The following COL21A1 variants were observed in gnomAD, a reference collection of about 807,000 sequenced individuals.
COL21A1 encodes collagen alpha-1(XXI) chain.
COL21A1 carries 149 observed loss-of-function variants against 137.9 expected under a neutral mutation model. That is an observed-to-expected ratio of 1.08 (90% CI 0.95 to 1.24). The LOEUF is 1.24. Ranked by LOEUF, COL21A1 falls within the 50% of genes most tolerant of loss-of-function variation. The probability of loss-of-function intolerance (pLI) is 0.00; values close to 1 mark genes in which losing one functional copy is unlikely to be tolerated. For missense variants in COL21A1, 1,167 were observed against 1,158.4 expected (o/e 1.01, Z -0.11); for synonymous variants, 456 against 391.5 (o/e 1.16, Z -1.95).
chr6:56,230,799 G>T (rs1261880775), intron 1 of COL21A1, among the ~76,000 whole-genome samples: 1 of 151,692 alleles, frequency 6.6e-6, no homozygotes, highest in African/African-American at 2.4e-5. Flanking sequence ...ACATGTTTAT[G>T]GGAAACATGT....
intron 1 of COL21A1, among the ~76,000 whole-genome samples, chr6:56,334,909 T>C (rs1765303986): frequency 6.6e-6 from 1 of 152,166 alleles, no homozygotes; most frequent in Admixed American, 6.5e-5. Context: ...CCATCAAATA[T>C]AGCAGCACAA....
chr6:56,358,118 CT>C (rs892629527), intron 1 of COL21A1, among the ~76,000 whole-genome samples: 4 of 152,166 alleles, frequency 2.6e-5, no homozygotes, highest in East Asian at 1.9e-4. Flanking sequence ...TTCAGTTGCA[CT>C]TTTTTTCTAA....
chr6:56,102,203 C>A (rs1770520981), intron 16 of COL21A1, among the ~76,000 whole-genome samples: 1 of 152,052 alleles, frequency 6.6e-6, no homozygotes, highest in Non-Finnish European at 1.5e-5. Flanking sequence ...ACTTCTTCTA[C>A]TAAAACAATA....
At chr6:56,248,297 G>A (rs1416787257), upstream of COL21A1, among the ~76,000 whole-genome samples, 2 of 152,122 alleles carry the variant, frequency 1.3e-5, no homozygotes, top group South Asian at 2.1e-4. Flanking sequence ...ATACACACCA[G>A]TGTGTTCTCA....
At chr6:56,306,460 T>G (rs1311797686) in intron 1 of COL21A1, among the ~76,000 whole-genome samples, 1 of 152,198 alleles carries the variant, frequency 6.6e-6, no homozygotes, top group East Asian at 1.9e-4. Flanking sequence ...AAACTTCTCT[T>G]CTTGCTTCAT....
intron 1 of COL21A1, among the ~76,000 whole-genome samples, chr6:56,259,998 T>C (rs2152330408): frequency 6.6e-6 from 1 of 152,338 alleles, no homozygotes; most frequent in Non-Finnish European, 1.5e-5. Flanking sequence ...CATGGCATAC[T>C]TTCTCACATT....
At chr6:56,108,273 T>C (rs1349826437) in intron 16 of COL21A1, among the ~76,000 whole-genome samples, 2 of 151,668 alleles carry the variant, frequency 1.3e-5, no homozygotes, top group African/African-American at 2.4e-5. Context: ...TATCAGACAA[T>C]GGGTGAAAAT....
At chr6:56,116,821 G>A (rs1336946857) in intron 16 of COL21A1, among the ~76,000 whole-genome samples, 1 of 151,990 alleles carries the variant, frequency 6.6e-6, no homozygotes, top group African/African-American at 2.4e-5. Context: ...ACAAAGTTAA[G>A]GCAAGTTTTT....
At chr6:56,270,014 C>A (rs1240592169) in intron 1 of COL21A1, among the ~76,000 whole-genome samples, 1 of 152,178 alleles carries the variant, frequency 6.6e-6, no homozygotes, top group Non-Finnish European at 1.5e-5. Flanking sequence ...TATAAAGCAA[C>A]TACACAATCA....
intron 1 of COL21A1, among the ~76,000 whole-genome samples, chr6:56,283,884 T>A (rs879285221): frequency 3.4e-4 from 52 of 151,542 alleles, no homozygotes; most frequent in Non-Finnish European, 4.3e-4. Flanking sequence ...ACTCTCTCTC[T>A]CTCTCTCTCT....
At chr6:56,289,799 AAGGTTG>A (rs1164235277) in intron 1 of COL21A1, among the ~76,000 whole-genome samples, 1 of 152,048 alleles carries the variant, frequency 6.6e-6, no homozygotes, top group Non-Finnish European at 1.5e-5. Context: ...AGGTTAAATG[AAGGTTG>A]CCAGATGGAG....
intron 28 of COL21A1, 132 bp downstream of exon 28, chr6:56,059,886 T>A (rs1765647054): frequency 1.7e-6 from 1 of 600,012 alleles, no homozygotes. Context: ...GTTGGCAAAT[T>A]ATTTAAAGAC....
intron 1 of COL21A1, among the ~76,000 whole-genome samples, chr6:56,203,762 G>T (rs760782642): frequency 2.0e-5 from 3 of 152,172 alleles, no homozygotes; most frequent in Non-Finnish European, 2.9e-5. Flanking sequence ...TCCAACTGAG[G>T]TACCCAGTTC....
At chr6:56,210,334 C>A (rs1452405751) in intron 1 of COL21A1, among the ~76,000 whole-genome samples, 1 of 152,016 alleles carries the variant, frequency 6.6e-6, no homozygotes, top group Admixed American at 6.6e-5. Context: ...CGATGGGTCA[C>A]CTTTGAAGGC....
At chr6:56,365,295 A>G (rs1189927291) in intron 1 of COL21A1, among the ~76,000 whole-genome samples, 1 of 152,210 alleles carries the variant, frequency 6.6e-6, no homozygotes, top group African/African-American at 2.4e-5. Context: ...AGCTTGCATA[A>G]TGGATTATTT....
At position 56,075,423 on chromosome 6, in the gene COL21A1, A is replaced by G. The variant is rs954586009; in HGVS notation, c.1911+56T>C. On this transcript the variant is annotated intron_variant, in intron 19 of 29. Transcript: ENST00000244728. ...GAACTCTCGAATATGAACTCCTAGT[A>G]GGTAGTAGCAACACTGCAAACACTT... 8.2e-6 allele frequency: 11 copies of G among 1,334,928 alleles called. No homozygotes were observed. The African/African-American group carries it at 1.4e-4, about 16-fold the overall frequency. The allele number at this position is 1,334,928 out of a possible 1,614,324, so 82.7% of individuals were successfully genotyped here. A position where few individuals can be genotyped will look rare whatever the true frequency, so the allele number is the denominator to read the frequency against.
At chr6:56,261,489 G>A (rs1763274391) in intron 1 of COL21A1, among the ~76,000 whole-genome samples, 1 of 152,118 alleles carries the variant, frequency 6.6e-6, no homozygotes. Context: ...CCACCTAAAA[G>A]AGACCCAAGA....
intron 1 of COL21A1, among the ~76,000 whole-genome samples, chr6:56,261,112 T>C (rs1195601928): frequency 6.6e-6 from 1 of 151,974 alleles, no homozygotes; most frequent in East Asian, 1.9e-4. Context: ...CAAAGATCTT[T>C]CAATGGTCTG....
chr6:56,258,528 C>G (rs9296836), intron 1 of COL21A1, among the ~76,000 whole-genome samples: 135,158 of 152,144 alleles, frequency 0.89, 60,167 homozygotes, highest in African/African-American at 0.93. Flanking sequence ...GGAGTAAGGT[C>G]ACAGCCTTAT....
Sources: gnomAD v4.1 joint callset for allele counts (sites outside exome capture counted in the v4.1 genomes callset) on GRCh38, gnomAD v4.1.1 for gene constraint, MANE v1.5 for transcripts, NCBI Gene and HGNC (gene_info 2026-07-23, HGNC 2026-07-21) for gene names.